Variants in CDYL observed in about 807,000 individuals in gnomAD.
The protein encoded by CDYL is chromodomain Y like.
Under a neutral mutation model 47.3 loss-of-function variants are expected in CDYL, and 8 were observed. The ratio of observed to expected loss-of-function variants is 0.17; its 90% CI spans 0.10 to 0.31. CDYL has a LOEUF of 0.31. Ranked by LOEUF, CDYL falls within the 10% of genes least tolerant of loss-of-function variation. The pLI, the probability that CDYL is intolerant of heterozygous loss-of-function variation, is 1.00. For synonymous variants in CDYL, 266 were observed against 265.0 expected (o/e 1.00, Z -0.04); for missense variants, 471 against 701.4 (o/e 0.67, Z 3.71).
intron 2 of CDYL, among the ~76,000 whole-genome samples, chr6:4,900,291 G>C (rs1756983793): frequency 6.6e-6 from 1 of 151,888 alleles, no homozygotes; most frequent in South Asian, 2.1e-4. Flanking sequence ...TTCTTTTTAT[G>C]TTTTAAACTT....
intron 1 of CDYL, among the ~76,000 whole-genome samples, chr6:4,870,611 C>T (rs1484170787): frequency 6.6e-6 from 1 of 152,116 alleles, no homozygotes; most frequent in Admixed American, 6.5e-5. Context: ...TCTCTCTCCC[C>T]TCTCCTCTCC....
intron 1 of CDYL, among the ~76,000 whole-genome samples, chr6:4,853,852 G>T (rs1760924393): frequency 6.6e-6 from 1 of 152,224 alleles, no homozygotes; most frequent in Non-Finnish European, 1.5e-5. Flanking sequence ...GAACAGCATG[G>T]CAGGCACCTC....
chr6:4,715,660 T>G (rs3812182), intron 1 of CDYL: 511,875 of 1,345,278 alleles, frequency 0.38, 99,481 homozygotes, highest in African/African-American at 0.51. Flanking sequence ...GTAGAACTGG[T>G]GAAAGTCATT....
intron 1 of CDYL, among the ~76,000 whole-genome samples, chr6:4,816,458 C>T (rs1017132043): frequency 6.6e-5 from 10 of 151,078 alleles, no homozygotes; most frequent in East Asian, 5.8e-4. Context: ...GATATTGTTA[C>T]AGAAGAAGCA....
At chr6:4,775,049 G>A (rs1758400178), upstream of CDYL, among the ~76,000 whole-genome samples, 1 of 152,094 alleles carries the variant, frequency 6.6e-6, no homozygotes, top group Admixed American at 6.5e-5. The surrounding 1 kb of genome is among the most constrained non-coding windows in gnomAD (Gnocchi z 7.0). Context: ...AAACGCTGTT[G>A]GGGGGCACAA....
Position 4,784,084 on chromosome 6 carries a change from T to C in CDYL, c.24+7277T>C, listed in dbSNP as rs571353286. 2.4e-4 allele frequency among the ~76,000 whole-genome samples: 37 copies of C among 152,374 alleles called. 2 individuals are homozygous for C. The highest frequency in any genetic ancestry group is 3.4e-3 in the Middle Eastern group (1 of 294). ...GCTGCATTTTAGCTATTTCCTTGGA[T>C]CTAAACTATAGTTCACTAATGAGCT... On this transcript the variant is annotated intron_variant, in intron 1 of 6. Transcript: ENST00000397588.
rs1455305270 is a variant in CDYL at position 4,935,766 on chromosome 6, C to G, written c.943C>G (p.Pro315Ala). The G allele has an allele frequency of 6.2e-7, 1 of 1,613,986 alleles. No homozygotes were observed. The highest frequency in any genetic ancestry group is 8.5e-7 in the Non-Finnish European group (1 of 1,179,912). ...TKSSENNSLNPEVMREVQSAL... is the reference protein window; with the variant it reads ...TKSSENNSLNAEVMREVQSAL... ...GTCCTCAGAGAATAACTCACTAAAT[C>G]CAGAGGTGAGAGGCGCTCTTGGGCT... is the stretch of plus-strand genomic sequence containing the variant. The change falls in exon 3 of 7, where the codon CCA (proline) becomes GCA (alanine). Residue 315 changes from proline to alanine, a missense_variant. By Grantham distance (27) the Pro-to-Ala change is conservative. Coordinates refer to ENST00000397588, the MANE Select transcript of CDYL (RefSeq NM_004824.4).
intron 2 of CDYL, among the ~76,000 whole-genome samples, chr6:4,903,546 T>C (rs1264092671): frequency 6.6e-6 from 1 of 152,196 alleles, no homozygotes; most frequent in Admixed American, 6.5e-5. Context: ...AGTGAAATAA[T>C]AAAAGAACCC....
At chr6:4,918,046 A>C (rs1361094015) in intron 2 of CDYL, among the ~76,000 whole-genome samples, 2 of 152,210 alleles carry the variant, frequency 1.3e-5, no homozygotes, top group Admixed American at 6.5e-5. Flanking sequence ...ACGGCCACAC[A>C]CTGTTAATGA....
chr6:4,911,048 G>A (rs1013467345), intron 2 of CDYL, among the ~76,000 whole-genome samples: 7 of 152,012 alleles, frequency 4.6e-5, no homozygotes, highest in African/African-American at 7.2e-5. Context: ...CCGTGGTCTC[G>A]ATCTCTTGAC....
intron 3 of CDYL, among the ~76,000 whole-genome samples, chr6:4,766,989 G>A (rs1412215247): frequency 2.0e-5 from 3 of 151,472 alleles, no homozygotes. Flanking sequence ...GTGACAAAGT[G>A]AGACCCTGTC....
At chr6:4,847,978 C>G (rs1000511955) in intron 1 of CDYL, among the ~76,000 whole-genome samples, 1 of 152,128 alleles carries the variant, frequency 6.6e-6, no homozygotes, top group Admixed American at 6.6e-5. Context: ...AGGGTTTTTG[C>G]CCTTGCTTTC....
intron 1 of CDYL, among the ~76,000 whole-genome samples, chr6:4,889,431 T>A (rs6933613): frequency 7.2e-5 from 11 of 151,920 alleles, no homozygotes; most frequent in African/African-American, 2.7e-4. Flanking sequence ...CACCATGTTG[T>A]CCAGGCTGGT....
intron 1 of CDYL, among the ~76,000 whole-genome samples, chr6:4,712,022 G>A (rs12526370): frequency 0.25 from 37,573 of 151,974 alleles, 5,216 homozygotes; most frequent in South Asian, 0.32. Context: ...CCATAACCAC[G>A]CCACTGCACT....
intron 2 of CDYL, chr6:4,928,761 C>T (rs912534771): frequency 1.3e-4 from 20 of 151,810 alleles, no homozygotes; most frequent in Non-Finnish European, 2.8e-4. Flanking sequence ...TTTTCTCTTT[C>T]CTTGCTTTTT....
chr6:4,765,929 A>C (rs1324783776), intron 3 of CDYL, among the ~76,000 whole-genome samples: 1 of 152,160 alleles, frequency 6.6e-6, no homozygotes, highest in Non-Finnish European at 1.5e-5. Flanking sequence ...ATAATGATAG[A>C]AGTGTAATTA....
At chr6:4,890,101 G>A (rs563708552) in intron 1 of CDYL, 11 of 985,400 alleles carry the variant, frequency 1.1e-5, no homozygotes, top group Middle Eastern at 1.0e-3. Flanking sequence ...TATACTGCCC[G>A]CTTCTGGAGT....
At chr6:4,736,487 A>C (rs1757706140) in intron 3 of CDYL, among the ~76,000 whole-genome samples, 1 of 152,178 alleles carries the variant, frequency 6.6e-6, no homozygotes. Context: ...TAGACTGACT[A>C]CTGCCTGCTC....
chr6:4,950,934 A>AG (rs1385380657), intron 5 of CDYL, among the ~76,000 whole-genome samples: 88 of 151,040 alleles, frequency 5.8e-4, no homozygotes, highest in African/African-American at 2.1e-3. Context: ...TCCGTCTCAA[A>AG]AAAAAAAAAA....
Sources: allele counts gnomAD v4.1 joint callset (sites outside exome capture counted in the v4.1 genomes callset), GRCh38; gene constraint gnomAD v4.1.1; non-coding constraint Gnocchi (gnomAD v3.1); transcripts MANE v1.5; gene names NCBI Gene and HGNC (gene_info 2026-07-23, HGNC 2026-07-21).